The following ZNF804B variants were observed in gnomAD, a reference collection of about 807,000 sequenced individuals.
The protein encoded by ZNF804B is zinc finger 804B.
ZNF804B carries 80 observed loss-of-function variants against 101.4 expected under a neutral mutation model. The observed-to-expected ratio is 0.79, with a 90% CI of 0.66 to 0.95. The LOEUF is 0.95. ZNF804B is among the 40% of genes least tolerant of loss of function. The probability of loss-of-function intolerance (pLI) is 0.00; values close to 1 mark genes in which losing one functional copy is unlikely to be tolerated. For synonymous variants in ZNF804B, 622 were observed against 558.8 expected (o/e 1.11, Z -1.59); for missense variants, 1,673 against 1,561.9 (o/e 1.07, Z -1.20).
intron 1 of ZNF804B, among the ~76,000 whole-genome samples, chr7:89,040,680 A>T (rs1031524804): frequency 1.3e-5 from 2 of 152,086 alleles, no homozygotes; most frequent in African/African-American, 4.8e-5. Flanking sequence ...TTCTTTGATT[A>T]TTTGTAATCC....
At chr7:88,809,328 TA>T (rs1790742504) in intron 1 of ZNF804B, among the ~76,000 whole-genome samples, 1 of 128,130 alleles carries the variant, frequency 7.8e-6, no homozygotes, top group Non-Finnish European at 1.7e-5. Flanking sequence ...TCTATCTATC[TA>T]TCTATCTATC....
intron 2 of ZNF804B, among the ~76,000 whole-genome samples, chr7:89,298,216 G>GTGTATA (rs1421058768): frequency 4.5e-3 from 124 of 27,484 alleles, no homozygotes; most frequent in African/African-American, 0.01. Flanking sequence ...GTGTGTGTGT[G>GTGTATA]TATATATATA....
At chr7:89,116,036 C>T (rs1790306912) in intron 1 of ZNF804B, among the ~76,000 whole-genome samples, 2 of 151,394 alleles carry the variant, frequency 1.3e-5, no homozygotes, top group South Asian at 4.2e-4. Flanking sequence ...TCCTGAGTAG[C>T]TGGGACTACA....
chr7:88,953,140 C>T (rs1793250258), intron 1 of ZNF804B, among the ~76,000 whole-genome samples: 1 of 151,724 alleles, frequency 6.6e-6, no homozygotes, highest in South Asian at 2.1e-4. Context: ...TCTCTTGAAA[C>T]TTATGGAGAC....
chr7:89,164,010 A>T (rs1052910797), intron 1 of ZNF804B, among the ~76,000 whole-genome samples: 2 of 151,836 alleles, frequency 1.3e-5, no homozygotes, highest in African/African-American at 4.8e-5. Flanking sequence ...TGTTAGTTTG[A>T]AAGGATTTTT....
At chr7:89,304,385 A>G (rs923206270) in intron 2 of ZNF804B, among the ~76,000 whole-genome samples, 2 of 151,914 alleles carry the variant, frequency 1.3e-5, no homozygotes, top group African/African-American at 2.4e-5. Context: ...CCCTATTTCA[A>G]TAGTCTCTCT....
chr7:89,288,750 G>T (rs1359304448), intron 2 of ZNF804B, among the ~76,000 whole-genome samples: 1 of 152,110 alleles, frequency 6.6e-6, no homozygotes, highest in Non-Finnish European at 1.5e-5. Flanking sequence ...ATACTAAAGG[G>T]AATGATTCAG....
intron 1 of ZNF804B, among the ~76,000 whole-genome samples, chr7:89,044,615 G>A (rs1789073945): frequency 6.6e-6 from 1 of 152,164 alleles, no homozygotes; most frequent in South Asian, 2.1e-4. Flanking sequence ...GGTTGAGGTG[G>A]TCTCAGATGG....
intron 1 of ZNF804B, among the ~76,000 whole-genome samples, chr7:88,919,449 G>T (rs1792687265): frequency 1.3e-5 from 2 of 152,092 alleles, no homozygotes; most frequent in Admixed American, 1.3e-4. Flanking sequence ...TACATTGAGA[G>T]GGACAGTCTT....
intron 1 of ZNF804B, among the ~76,000 whole-genome samples, chr7:89,108,134 C>CA (rs1489607135): frequency 6.6e-6 from 1 of 151,712 alleles, no homozygotes; most frequent in Non-Finnish European, 1.5e-5. Context: ...GACATGTAGG[C>CA]AAAAACAACT....
At chr7:88,873,627 A>G (rs1361128142) in intron 1 of ZNF804B, among the ~76,000 whole-genome samples, 1 of 152,144 alleles carries the variant, frequency 6.6e-6, no homozygotes, top group African/African-American at 2.4e-5. Flanking sequence ...TCTTTAATCC[A>G]TCTTGAATTG....
intron 1 of ZNF804B, among the ~76,000 whole-genome samples, chr7:89,052,848 T>C (rs1789229238): frequency 6.6e-6 from 1 of 152,182 alleles, no homozygotes; most frequent in South Asian, 2.1e-4. Context: ...GCACTGCAGT[T>C]TAAGAGTGTA....
intron 2 of ZNF804B, among the ~76,000 whole-genome samples, chr7:89,323,812 C>A (rs1790856590): frequency 1.3e-5 from 2 of 152,080 alleles, no homozygotes; most frequent in African/African-American, 2.4e-5. Context: ...CATGTGCTGT[C>A]TGTTCTCAAT....
At chr7:89,038,257 G>A (rs748564358) in intron 1 of ZNF804B, among the ~76,000 whole-genome samples, 2 of 152,078 alleles carry the variant, frequency 1.3e-5, no homozygotes, top group Non-Finnish European at 2.9e-5. Flanking sequence ...TTTCCATAAT[G>A]TGTATACTAA....
intron 2 of ZNF804B, among the ~76,000 whole-genome samples, chr7:89,274,269 CATCTAGCATTAGGTAT>C (rs1302171771): frequency 6.9e-6 from 1 of 144,070 alleles, no homozygotes; most frequent in Non-Finnish European, 1.5e-5. Flanking sequence ...ACTAACTCGT[CATCTAGCATTAGGTAT>C]ATCTCCCAGT....
At chr7:88,823,013 A>C (rs574523300) in intron 1 of ZNF804B, among the ~76,000 whole-genome samples, 5 of 152,274 alleles carry the variant, frequency 3.3e-5, no homozygotes, top group Admixed American at 1.3e-4. Context: ...GTTCAAGACC[A>C]GCCTGGCCAA....
In ZNF804B at chr7:88,865,228, C is replaced by CAAA. The variant is rs10706264; in HGVS notation, c.108+105161_108+105163dup. 9.7e-3 allele frequency among the ~76,000 whole-genome samples: 1,126 copies of CAAA among 115,762 alleles called. 24 individuals carry two copies. Among genetic ancestry groups the CAAA allele is most frequent in the African/African-American group, 0.032 (1,051 of 32,810 alleles). The allele number at this position is 115,762 out of a possible 152,430, so 75.9% of individuals were successfully genotyped here. ...GAGCAACAAGAGCAAGACTTCGTAT[C>CAAA]AAAAAAAAAAAAAAAAAAATAGACC... On this transcript the variant is annotated intron_variant, in intron 1 of 3. Transcript: ENST00000333190.
chr7:88,900,773 T>A (rs1011108070), intron 1 of ZNF804B, among the ~76,000 whole-genome samples: 4 of 151,544 alleles, frequency 2.6e-5, no homozygotes, highest in Non-Finnish European at 5.9e-5. Flanking sequence ...TTTTTGTTTC[T>A]TTCCTATTAA....
In ZNF804B at chr7:89,014,019, G is replaced by A. The variant is rs553855862; in HGVS notation, c.109-204136G>A. ...TGAATACTGCTGCAATAAATATGGG[G>A]GTGCAGATATGTCTTTGATATTTTT... On this transcript the variant is annotated intron_variant, in intron 1 of 3. Transcript: ENST00000333190. Among the ~76,000 whole-genome samples the A allele has an allele frequency of 2.8e-4, 43 of 152,034 alleles. No homozygotes were observed. In the South Asian group the frequency reaches 3.3e-3, roughly 12 times the overall value.
Sources: gnomAD v4.1 joint callset for allele counts (sites outside exome capture counted in the v4.1 genomes callset) on GRCh38, gnomAD v4.1.1 for gene constraint, MANE v1.5 for transcripts, NCBI Gene and HGNC (gene_info 2026-07-23, HGNC 2026-07-21) for gene names.